JAKMIP2: variants seen among roughly 807,000 people sequenced by gnomAD.
JAKMIP2 encodes janus kinase and microtubule-interacting protein 2.
A neutral mutation model predicts 115.0 loss-of-function variants in JAKMIP2; 25 were observed. The observed-to-expected ratio is 0.22, with a 90% CI of 0.16 to 0.30. The LOEUF is 0.30. JAKMIP2 is among the 10% of genes least tolerant of loss of function. The probability of loss-of-function intolerance (pLI) is 1.00; values close to 1 mark genes in which losing one functional copy is unlikely to be tolerated. For missense variants in JAKMIP2, 642 were observed against 957.6 expected (o/e 0.67, Z 4.35); for synonymous variants, 334 against 343.6 (o/e 0.97, Z 0.31).
intron 1 of JAKMIP2, among the ~76,000 whole-genome samples, chr5:147,740,248 A>G (rs1754093286): frequency 6.6e-6 from 1 of 152,234 alleles, no homozygotes; most frequent in Admixed American, 6.5e-5. Flanking sequence ...GTAGGCAGCA[A>G]TAAGATGTAA....
chr5:147,750,350 GA>G (rs1187362560), intron 1 of JAKMIP2, among the ~76,000 whole-genome samples: 2 of 152,084 alleles, frequency 1.3e-5, no homozygotes, highest in East Asian at 3.9e-4. Flanking sequence ...GTGTTGTTAA[GA>G]TGTGTGATAA....
chr5:147,695,771 G>A (rs980854745), intron 1 of JAKMIP2, among the ~76,000 whole-genome samples: 2 of 151,470 alleles, frequency 1.3e-5, no homozygotes, highest in African/African-American at 2.4e-5. Context: ...TAATTTTTAG[G>A]TACTGATTGA....
chr5:147,684,378 G>A (rs1760472978), intron 1 of JAKMIP2, among the ~76,000 whole-genome samples: 2 of 151,596 alleles, frequency 1.3e-5, no homozygotes, highest in South Asian at 4.2e-4. Flanking sequence ...ACTATATCTG[G>A]CTCCCTGTTA....
intron 17 of JAKMIP2, among the ~76,000 whole-genome samples, chr5:147,621,977 G>C (rs8180520): frequency 0.24 from 35,781 of 151,906 alleles, 5,469 homozygotes; most frequent in East Asian, 0.46. Context: ...AAGCGATTCT[G>C]CTGCCTCAGC....
intron 1 of JAKMIP2, among the ~76,000 whole-genome samples, chr5:147,741,613 CTAAT>C (rs1247982293): frequency 4.6e-5 from 7 of 152,044 alleles, no homozygotes; most frequent in African/African-American, 1.7e-4. Context: ...ATGAAAGAAA[CTAAT>C]TATACAGAAA....
intron 2 of JAKMIP2, among the ~76,000 whole-genome samples, chr5:147,663,166 T>A (rs981585538): frequency 6.6e-6 from 1 of 152,132 alleles, no homozygotes; most frequent in Non-Finnish European, 1.5e-5. Flanking sequence ...TTAACCACTG[T>A]AATATAAAGT....
At chr5:147,627,678 TAAAA>T (rs768481105) in intron 16 of JAKMIP2, among the ~76,000 whole-genome samples, 6 of 70,322 alleles carry the variant, frequency 8.5e-5, no homozygotes, top group Admixed American at 2.3e-4. Context: ...AGCCTTTCTG[TAAAA>T]AAAAAAAAAA....
At chr5:147,706,222 G>A (rs1752554619) in intron 1 of JAKMIP2, among the ~76,000 whole-genome samples, 1 of 152,128 alleles carries the variant, frequency 6.6e-6, no homozygotes. Flanking sequence ...GACTCTTACA[G>A]AAGTGAATTC....
At chr5:147,731,015 T>C (rs1184191910) in intron 1 of JAKMIP2, among the ~76,000 whole-genome samples, 1 of 152,076 alleles carries the variant, frequency 6.6e-6, no homozygotes, top group East Asian at 1.9e-4. Flanking sequence ...ACAAATAACA[T>C]TGAATAATTT....
intron 8 of JAKMIP2, 69 bp downstream of exon 8, chr5:147,641,639 G>A (rs1757884788): frequency 3.7e-6 from 4 of 1,092,448 alleles, no homozygotes; most frequent in Non-Finnish European, 5.6e-6. Context: ...TTTGTAGGAA[G>A]ATTCCATGCC....
chr5:147,679,588 GATATTA>G (rs1173707885), intron 1 of JAKMIP2, among the ~76,000 whole-genome samples: 1 of 152,198 alleles, frequency 6.6e-6, no homozygotes, highest in East Asian at 1.9e-4. Flanking sequence ...GAGCCTGAAT[GATATTA>G]CCTACCTTAA....
At chr5:147,716,605 G>A (rs1482792248) in intron 1 of JAKMIP2, among the ~76,000 whole-genome samples, 2 of 152,058 alleles carry the variant, frequency 1.3e-5, no homozygotes, top group African/African-American at 4.8e-5. Flanking sequence ...GCGATGATGA[G>A]CATTTTTTCA....
intron 1 of JAKMIP2, among the ~76,000 whole-genome samples, chr5:147,733,543 C>T (rs1753808029): frequency 6.6e-6 from 1 of 152,146 alleles, no homozygotes; most frequent in South Asian, 2.1e-4. Context: ...TATACATGTG[C>T]CATGATGGTT....
intron 19 of JAKMIP2, among the ~76,000 whole-genome samples, chr5:147,615,304 G>A (rs1357877865): frequency 2.0e-5 from 3 of 152,156 alleles, no homozygotes; most frequent in African/African-American, 4.8e-5. Context: ...CTTAAACTGG[G>A]ACTGGAAAAA....
chr5:147,726,311 G>A (rs1347844096), intron 1 of JAKMIP2, among the ~76,000 whole-genome samples: 1 of 152,188 alleles, frequency 6.6e-6, no homozygotes, highest in Non-Finnish European at 1.5e-5. Context: ...TGCTCAGAAT[G>A]GAAGAAGATG....
At chr5:147,617,785 T>C (rs1466943528) in intron 19 of JAKMIP2, 126 bp downstream of exon 19, 2 of 681,838 alleles carry the variant, frequency 2.9e-6, no homozygotes, top group Non-Finnish European at 5.0e-6. Flanking sequence ...TGGTTATTTA[T>C]TTTACTCTCT....
At chr5:147,613,989 TA>T (rs1270892172) in intron 19 of JAKMIP2, among the ~76,000 whole-genome samples, 1 of 152,212 alleles carries the variant, frequency 6.6e-6, no homozygotes, top group Admixed American at 6.5e-5. Context: ...GCTCCATAGC[TA>T]CACAGTAAAA....
chr5:147,617,069 C>A (rs544013405), intron 19 of JAKMIP2, among the ~76,000 whole-genome samples: 1 of 152,306 alleles, frequency 6.6e-6, no homozygotes, highest in South Asian at 2.1e-4. Flanking sequence ...CTTATTGAAT[C>A]TGTATTTTGA....
intron 19 of JAKMIP2, among the ~76,000 whole-genome samples, chr5:147,613,152 G>A (rs567485143): frequency 6.6e-6 from 1 of 152,268 alleles, no homozygotes; most frequent in African/African-American, 2.4e-5. Context: ...CCGAATATTT[G>A]AAATCAACAT....
Sources: gnomAD v4.1 joint callset for allele counts (sites outside exome capture counted in the v4.1 genomes callset) on GRCh38, gnomAD v4.1.1 for gene constraint, MANE v1.5 for transcripts, NCBI Gene and HGNC (gene_info 2026-07-23, HGNC 2026-07-21) for gene names.